Variants in VPS13C observed in about 807,000 individuals in gnomAD.
The protein encoded by VPS13C is intermembrane lipid transfer protein VPS13C.
A neutral mutation model predicts 456.8 loss-of-function variants in VPS13C; 358 were observed. The observed-to-expected ratio is 0.78, with a 90% CI of 0.72 to 0.86. The LOEUF (loss-of-function observed/expected upper bound fraction) is 0.86, where lower values mean the gene tolerates loss of function less well. VPS13C is among the 40% of genes least tolerant of loss of function. The probability of loss-of-function intolerance (pLI) is 0.00; values close to 1 mark genes in which losing one functional copy is unlikely to be tolerated. For missense variants in VPS13C, 4,818 were observed against 4,385.4 expected, an observed-to-expected ratio of 1.10 and a Z score of -2.79; for synonymous variants, 1,578 against 1,486.7, an observed-to-expected ratio of 1.06 and a Z score of -1.41.
chr15:61,982,473 T>G lies in VPS13C; in HGVS notation c.2015A>C (p.Glu672Ala). Residue 672 changes from glutamate (E) to alanine (A), a missense_variant, in exon 21 of 85, where the codon GAG becomes GCG. Around this residue, in one of 3 missense-constraint regions of VPS13C, gnomAD observed 4,552 missense variants for 4,130.6 expected, o/e 1.10. Transcript: ENST00000644861. ...AAATTCTTCACCTGTAGCTGTTCTC[T>G]CCTTAATTTCTTCCAGCTTCATCAA... The part of the protein sequence containing the change: ...ATLMKLEEIK[E>A]RTATGLTHII... The G allele has an allele frequency of 6.2e-7, 1 of 1,608,358 alleles. No individual in the cohort carries two copies.
rs546293360 is a variant in VPS13C, at chr15:61,886,598, C to T, written c.9342-2329G>A. On this transcript the variant is annotated intron_variant, in intron 67 of 84. Transcript: ENST00000644861. ...AAGCCATGTAAAAGAACAGAAATCACTGTGTCCCAACAAAACATTATTTAT... is the reference window on the plus strand; with the variant it reads ...AAGCCATGTAAAAGAACAGAAATCATTGTGTCCCAACAAAACATTATTTAT... 7.9e-5 allele frequency among the ~76,000 whole-genome samples: 12 copies of T among 152,248 alleles called. No homozygotes were observed. The South Asian group carries it at 2.5e-3, about 32-fold the overall frequency.
chr15:62,053,419 T>A (rs1316869301), intron 1 of VPS13C, among the ~76,000 whole-genome samples: 1 of 152,230 alleles, frequency 6.6e-6, no homozygotes, highest in Non-Finnish European at 1.5e-5. Flanking sequence ...AGCCTGGAAC[T>A]TCATTTATCT....
intron 4 of VPS13C, 125 bp from the exon 5 acceptor site, chr15:62,033,667 AT>A: frequency 1.9e-6 from 1 of 520,264 alleles, no homozygotes; most frequent in Non-Finnish European, 3.1e-6. Context: ...ATACTTTCAC[AT>A]TTTTAGTTTT....
At chr15:62,001,420 T>G (rs1051080981) in intron 15 of VPS13C, among the ~76,000 whole-genome samples, 6 of 152,236 alleles carry the variant, frequency 3.9e-5, no homozygotes, top group African/African-American at 1.4e-4. Context: ...TTGCTAGAAA[T>G]AGTTCTATAA....
rs1893744567 is a variant in VPS13C, at chr15:61,853,376, G to C, written c.*1081C>G. 1 of 152,120 alleles carries C rather than the reference G, an allele frequency of 6.6e-6. No homozygotes were observed. Among genetic ancestry groups the C allele is most frequent in the South Asian group, 2.1e-4 (1 of 4,834 alleles). The allele number at this position is 152,120 out of a possible 1,614,324, so 9.4% of individuals were successfully genotyped here. The stretch of plus-strand genomic sequence containing the variant: ...ATTTCAGAGTCTTGAGAAACTTAAA[G>C]TGCAGTATTTTCATGTATCAGCAAA... On this transcript the variant is annotated 3_prime_UTR_variant, in exon 85 of 85. Coordinates refer to ENST00000644861, the MANE Select transcript of VPS13C (RefSeq NM_020821.3).
At chr15:62,053,090 A>T (rs2048679282) in intron 1 of VPS13C, among the ~76,000 whole-genome samples, 1 of 152,216 alleles carries the variant, frequency 6.6e-6, no homozygotes, top group South Asian at 2.1e-4. Context: ...TAAATTTTTA[A>T]GCACCGCTTT....
rs2045312071 is a variant in VPS13C at position 61,964,321 on chromosome 15, A to G, written c.3215-370T>C. On this transcript the variant is annotated intron_variant, in intron 31 of 84. Coordinates refer to ENST00000644861, the MANE Select transcript of VPS13C (RefSeq NM_020821.3). ...TTGGCCAATTAGATGCTACTCCTGA[A>G]CCCTTCCCTACCTTTGTGTCTCTGA... 3.3e-5 allele frequency among the ~76,000 whole-genome samples: 5 copies of G among 151,972 alleles called. No individual in the cohort carries two copies. In the South Asian group the frequency reaches 1.0e-3, roughly 32 times the overall value.
At chr15:62,013,349 C>T (rs1403982892) in intron 10 of VPS13C, among the ~76,000 whole-genome samples, 1 of 151,742 alleles carries the variant, frequency 6.6e-6, no homozygotes, top group Non-Finnish European at 1.5e-5. Flanking sequence ...TTCCAAGGAA[C>T]TCATTCATTC....
At chr15:61,951,452 C>T (rs1036459131) in intron 39 of VPS13C, among the ~76,000 whole-genome samples, 1 of 152,078 alleles carries the variant, frequency 6.6e-6, no homozygotes, top group African/African-American at 2.4e-5. Context: ...AGGATACCCA[C>T]TAATGATAAC....
chr15:61,948,428 C>A (rs546846091), intron 42 of VPS13C, among the ~76,000 whole-genome samples: 113 of 151,956 alleles, frequency 7.4e-4, no homozygotes, highest in African/African-American at 2.5e-3. Flanking sequence ...ATGCCTGTAA[C>A]CCCAGCACTT....
At position 61,962,359 on chromosome 15, in the gene VPS13C, T is replaced by C. The variant is rs1235085399; in HGVS notation, c.3603+12A>G. 2 of 1,567,836 alleles carry C rather than the reference T, an allele frequency of 1.3e-6. No individual in the cohort carries two copies. Among genetic ancestry groups the C allele is most frequent in the Non-Finnish European group, 1.7e-6 (2 of 1,156,808 alleles). On this transcript the variant is annotated intron_variant, in intron 34 of 84. Coordinates refer to ENST00000644861, the MANE Select transcript of VPS13C (RefSeq NM_020821.3). Reference sequence around the variant, plus strand: ...CAAAGTTGAAAAATCAATATACAAATAATTATTTTACCAGAAGTGACATAA... The same window carrying C: ...CAAAGTTGAAAAATCAATATACAAACAATTATTTTACCAGAAGTGACATAA...
chr15:61,909,426 C>A (rs1258581970), intron 64 of VPS13C, among the ~76,000 whole-genome samples: 1 of 152,192 alleles, frequency 6.6e-6, no homozygotes, highest in Non-Finnish European at 1.5e-5. Context: ...CCAGGCTGGT[C>A]TCGAACTCCT....
chr15:61,972,820 A>AT lies in VPS13C; in HGVS notation c.2618-57_2618-56insA, dbSNP rs3833020. 0.44 allele frequency: 669,423 copies of AT among 1,511,632 alleles called. 153,570 individuals carry two copies. The highest frequency in any genetic ancestry group is 0.58 in the Admixed American group (30,552 of 52,472). The allele number at this position is 1,511,632 out of a possible 1,614,324, so 93.6% of individuals were successfully genotyped here. On this transcript the variant is annotated intron_variant, in intron 26 of 84. Transcript: ENST00000644861. ...GACAATGTACATTGAAAACTGCATG[A>AT]AACACTCAAATCTAAATCTCTAAAA...
At chr15:61,908,872 C>T (rs1418961422) in intron 65 of VPS13C, 120 bp downstream of exon 65, 4 of 1,171,444 alleles carry the variant, frequency 3.4e-6, no homozygotes, top group African/African-American at 3.1e-5. Context: ...AAGATAAATA[C>T]CATGTGTTCC....
chr15:62,056,998 G>C (rs2048824049), intron 1 of VPS13C, among the ~76,000 whole-genome samples: 1 of 151,988 alleles, frequency 6.6e-6, no homozygotes, highest in African/African-American at 2.4e-5. Flanking sequence ...CAGACATTCG[G>C]GGCCACTACC....
chr15:62,024,678 C>T (rs2047574397), intron 6 of VPS13C, among the ~76,000 whole-genome samples: 1 of 152,054 alleles, frequency 6.6e-6, no homozygotes, highest in African/African-American at 2.4e-5. Flanking sequence ...TATTTAAAGG[C>T]TCTCTGCAAC....
chr15:61,959,645 C>T lies in VPS13C; in HGVS notation c.3909-50G>A, dbSNP rs752100282. ...AATGCATAGATATAGGGTAGAAATGCAACATATTAAAAAAAAGCAAAGTCA... is the reference window on the plus strand; with the variant it reads ...AATGCATAGATATAGGGTAGAAATGTAACATATTAAAAAAAAGCAAAGTCA... On this transcript the variant is annotated intron_variant, in intron 35 of 84. Coordinates refer to ENST00000644861, the MANE Select transcript of VPS13C (RefSeq NM_020821.3). 2.6e-6 allele frequency: 4 copies of T among 1,551,566 alleles called. No homozygotes were observed. The South Asian group carries it at 4.8e-5, about 19-fold the overall frequency.
chr15:61,874,880 T>G lies in VPS13C; in HGVS notation c.10410A>C (p.Thr3470=). The part of the protein sequence containing the change: ...VIGVRSLFGH[T]VGGAAGVVSR... ...ACACAAATATGTGATACATACCTAC[T>G]GTGTGTCCAAAGAGGCTTCTCACTC... Residue 3470 remains threonine, a synonymous_variant, in exon 77 of 85, where the codon ACA becomes ACC. Transcript: ENST00000644861. 6.3e-7 allele frequency: 1 copy of G among 1,593,184 alleles called. No homozygotes were observed. Among genetic ancestry groups the G allele is most frequent in the Non-Finnish European group, 8.5e-7 (1 of 1,170,946 alleles).
At chr15:61,918,021 T>C in intron 59 of VPS13C, 115 bp downstream of exon 59, 1 of 1,049,312 alleles carries the variant, frequency 9.5e-7, no homozygotes, top group Non-Finnish European at 1.3e-6. Context: ...GACTAAATTA[T>C]GTCTTAAAAC....
Sources: allele counts gnomAD v4.1 joint callset (sites outside exome capture counted in the v4.1 genomes callset), GRCh38; gene constraint gnomAD v4.1.1; regional missense constraint gnomAD v4.1.1; transcripts MANE v1.5; gene names NCBI Gene and HGNC (gene_info 2026-07-23, HGNC 2026-07-21).